TENM4: variants seen among roughly 807,000 people sequenced by gnomAD.
TENM4 encodes the protein teneurin transmembrane protein 4.
In TENM4, 82 loss-of-function variants were observed where a neutral mutation model predicts 243.3. The observed-to-expected ratio is 0.34, with a 90% confidence interval of 0.28 to 0.40. TENM4 has a LOEUF of 0.40. TENM4 is among the 10% of genes least tolerant of loss of function. The pLI is 1.00. For synonymous variants in TENM4, 1,412 were observed against 1,456.3 expected, an observed-to-expected ratio of 0.97 and a Z score of 0.69; for missense variants, 3,138 against 3,673.3, an observed-to-expected ratio of 0.85 and a Z score of 3.77.
chr11:79,314,050 G>C (rs1856764518), intron 1 of TENM4, among the ~76,000 whole-genome samples: 1 of 152,182 alleles, frequency 6.6e-6, no homozygotes, highest in South Asian at 2.1e-4. Flanking sequence ...ATGTTTGCAA[G>C]TACAGAATGT....
chr11:78,733,084 C>A lies in TENM4; in HGVS notation c.2877-507G>T, dbSNP rs540615563. 5.7e-4 allele frequency among the ~76,000 whole-genome samples: 87 copies of A among 152,326 alleles called. 1 individual carries two copies. The highest frequency in any genetic ancestry group is 2.0e-3 in the African/African-American group (83 of 41,570). The stretch of plus-strand genomic sequence containing the variant: ...GCTCAAATGGATTATTCTTAAGTCT[C>A]TAAGATTCTATGACTCCACAGCAAT... On this transcript the variant is annotated intron_variant, in intron 20 of 33. Coordinates refer to ENST00000278550, the MANE Select transcript of TENM4 (RefSeq NM_001098816.3).
rs557795541 is a variant in TENM4, at chr11:79,004,067, G to T, written c.493+60671C>A. Among the ~76,000 whole-genome samples, 6 of 151,230 alleles carry T rather than the reference G, an allele frequency of 4.0e-5. No homozygotes were observed. In the South Asian group the frequency reaches 1.0e-3, roughly 26 times the overall value. The stretch of plus-strand genomic sequence containing the variant: ...AGAAGGGCATTACTTAATGGTAAAG[G>T]GTTCAATCCAACAAGAAGATCTAGC... On this transcript the variant is annotated intron_variant, in intron 6 of 33. Coordinates refer to ENST00000278550, the MANE Select transcript of TENM4 (RefSeq NM_001098816.3).
At chr11:79,073,406 C>T (rs1271816660) in intron 4 of TENM4, among the ~76,000 whole-genome samples, 1 of 152,086 alleles carries the variant, frequency 6.6e-6, no homozygotes, top group Non-Finnish European at 1.5e-5. Context: ...GTCTGCCTCT[C>T]CCCTTGACTA....
intron 4 of TENM4, among the ~76,000 whole-genome samples, chr11:79,104,269 A>G (rs914187496): frequency 4.6e-5 from 7 of 152,252 alleles, no homozygotes; most frequent in Non-Finnish European, 7.3e-5. Flanking sequence ...TTTGTCTCAT[A>G]GGTATTCAAG....
chr11:79,103,106 C>A (rs1226285315), intron 4 of TENM4, among the ~76,000 whole-genome samples: 4 of 152,132 alleles, frequency 2.6e-5, no homozygotes, highest in Non-Finnish European at 5.9e-5. Flanking sequence ...CCTGAATACA[C>A]TGGCGGTGCC....
intron 6 of TENM4, among the ~76,000 whole-genome samples, chr11:79,008,394 C>T (rs2136738873): frequency 6.6e-6 from 1 of 152,146 alleles, no homozygotes. Context: ...GTATTTTAAA[C>T]ATAGAATAAT....
At chr11:79,017,803 C>T (rs1858818144) in intron 6 of TENM4, among the ~76,000 whole-genome samples, 1 of 152,202 alleles carries the variant, frequency 6.6e-6, no homozygotes, top group African/African-American at 2.4e-5. Context: ...CAGGTCCAGC[C>T]TCATGGGCAC....
rs1040648337 is a variant in TENM4 at position 79,066,608 on chromosome 11, G to GCA, written c.224-1603_224-1602dup. Among the ~76,000 whole-genome samples, 4 of 151,186 alleles carry GCA rather than the reference G, an allele frequency of 2.6e-5. No individual in the cohort carries two copies. The South Asian group carries it at 8.4e-4, about 32-fold the overall frequency. ...CATGCACACAAGCACACACGCGCGT[G>GCA]CACACACACGTGCGCACACACATGA... is the stretch of plus-strand genomic sequence containing the variant. On this transcript the variant is annotated intron_variant, in intron 5 of 33. Transcript: ENST00000278550.
At chr11:79,434,602 T>A (rs1859233258) in intron 1 of TENM4, among the ~76,000 whole-genome samples, 1 of 152,240 alleles carries the variant, frequency 6.6e-6, no homozygotes, top group African/African-American at 2.4e-5. Flanking sequence ...GGAAAAAGAA[T>A]TTGTGTATCA....
intron 2 of TENM4, among the ~76,000 whole-genome samples, chr11:79,290,904 C>T (rs899539873): frequency 1.8e-4 from 27 of 152,162 alleles, no homozygotes; most frequent in Admixed American, 6.5e-4. Flanking sequence ...GCACATCCTG[C>T]TCATTTAGAG....
intron 4 of TENM4, among the ~76,000 whole-genome samples, chr11:79,101,579 G>T (rs900060225): frequency 1.3e-5 from 2 of 152,214 alleles, no homozygotes; most frequent in African/African-American, 2.4e-5. Context: ...ATCCTGCACA[G>T]TGCTTTACTT....
intron 6 of TENM4, among the ~76,000 whole-genome samples, chr11:78,931,758 G>A (rs562961648): frequency 6.6e-6 from 1 of 152,180 alleles, no homozygotes; most frequent in Non-Finnish European, 1.5e-5. Context: ...GATTTCCACC[G>A]GGGCTAGGTG....
intron 2 of TENM4, among the ~76,000 whole-genome samples, chr11:79,256,830 G>T (rs1855708506): frequency 6.6e-6 from 1 of 152,166 alleles, no homozygotes; most frequent in Non-Finnish European, 1.5e-5. Flanking sequence ...TGAGAGTGAG[G>T]TGGAAACTCA....
chr11:79,127,982 G>A (rs1229093639), intron 4 of TENM4, among the ~76,000 whole-genome samples: 1 of 152,206 alleles, frequency 6.6e-6, no homozygotes, highest in Non-Finnish European at 1.5e-5. Flanking sequence ...TCATCTGGGT[G>A]TGTTACTCCA....
At chr11:79,309,612 A>C (rs903960631) in intron 1 of TENM4, among the ~76,000 whole-genome samples, 2 of 152,232 alleles carry the variant, frequency 1.3e-5, no homozygotes, top group Non-Finnish European at 2.9e-5. Context: ...TTCCAAATAT[A>C]AATACGAAGA....
chr11:78,922,876 T>C (rs1358872038), intron 6 of TENM4, among the ~76,000 whole-genome samples: 1 of 152,198 alleles, frequency 6.6e-6, no homozygotes, highest in East Asian at 1.9e-4. Flanking sequence ...AGATGTATGA[T>C]GCTAGCCTCC....
chr11:79,243,988 C>G (rs1855470324), intron 2 of TENM4, among the ~76,000 whole-genome samples: 1 of 152,176 alleles, frequency 6.6e-6, no homozygotes, highest in South Asian at 2.1e-4. Context: ...AGTGCATTTC[C>G]AACAAGCTCC....
chr11:78,983,345 A>G (rs1335950582), intron 6 of TENM4, among the ~76,000 whole-genome samples: 1 of 152,206 alleles, frequency 6.6e-6, no homozygotes. Flanking sequence ...AAACACTCTT[A>G]GTGCCTTATT....
chr11:79,260,198 T>G (rs954617894), intron 2 of TENM4, among the ~76,000 whole-genome samples: 1 of 152,192 alleles, frequency 6.6e-6, no homozygotes, highest in Non-Finnish European at 1.5e-5. Context: ...TTTCAATCAT[T>G]ACTTAACATC....
Sources: gnomAD v4.1 joint callset for allele counts (sites outside exome capture counted in the v4.1 genomes callset) on GRCh38, gnomAD v4.1.1 for gene constraint, MANE v1.5 for transcripts, NCBI Gene and HGNC (gene_info 2026-07-23, HGNC 2026-07-21) for gene names.